The following AFG1L variants were observed in gnomAD, a reference collection of about 807,000 sequenced individuals.
The protein encoded by AFG1L is AFG1-like ATPase.
A neutral mutation model predicts 62.2 loss-of-function variants in AFG1L; 53 were observed. The ratio of observed to expected loss-of-function variants is 0.85; its 90% CI spans 0.68 to 1.07. The LOEUF (loss-of-function observed/expected upper bound fraction) is 1.07. Ranked by LOEUF, AFG1L falls within the 50% of genes least tolerant of loss-of-function variation. The pLI is 0.00. For synonymous variants in AFG1L, 228 were observed against 210.3 expected, an observed-to-expected ratio of 1.08 and a Z score of -0.73; for missense variants, 555 against 590.5, an observed-to-expected ratio of 0.94 and a Z score of 0.62.
chr6:108,348,673 T>G (rs186199575), intron 3 of AFG1L, among the ~76,000 whole-genome samples: 5 of 152,354 alleles, frequency 3.3e-5, no homozygotes, highest in African/African-American at 1.2e-4. Context: ...TTGAAAGCAG[T>G]TATAACAGAC....
chr6:108,322,182 A>G (rs1256663984), intron 1 of AFG1L, among the ~76,000 whole-genome samples: 1 of 152,162 alleles, frequency 6.6e-6, no homozygotes, highest in Non-Finnish European at 1.5e-5. Context: ...TGCTAGGATT[A>G]CAGGTGTGAG....
chr6:108,428,410 C>T (rs1032776441), intron 7 of AFG1L, among the ~76,000 whole-genome samples: 2 of 152,172 alleles, frequency 1.3e-5, no homozygotes, highest in African/African-American at 4.8e-5. Context: ...CTGTGATAAA[C>T]ATATGCATGG....
Position 108,522,325 on chromosome 6 carries a change from C to A in AFG1L, c.1346C>A (p.Thr449Asn). 2 of 1,613,248 alleles carry A rather than the reference C, an allele frequency of 1.2e-6. No individual in the cohort carries two copies. Among genetic ancestry groups the A allele is most frequent in the Non-Finnish European group, 1.7e-6 (2 of 1,179,426 alleles). The change falls in exon 13 of 13, where the codon ACC becomes AAC. Residue 449 changes from threonine to asparagine, a missense_variant. By Grantham distance (65) the Thr-to-Asn change is moderately conservative. Coordinates refer to ENST00000368977, the MANE Select transcript of AFG1L (RefSeq NM_145315.5). ...QDSAEGLSMF[T>N]GEEEIFAFQR... ...TCAGCAGAAGGACTCTCCATGTTTA[C>A]CGGAGAAGAGGAAATCTTTGCATTT...
intron 6 of AFG1L, among the ~76,000 whole-genome samples, chr6:108,378,842 ATGT>A (rs1780365996): frequency 6.7e-6 from 1 of 149,746 alleles, no homozygotes; most frequent in Non-Finnish European, 1.5e-5. Context: ...TTTCCCTGTA[ATGT>A]TGTTGTTATT....
intron 6 of AFG1L, among the ~76,000 whole-genome samples, chr6:108,370,654 T>C (rs1333823158): frequency 6.6e-6 from 1 of 152,078 alleles, no homozygotes; most frequent in Non-Finnish European, 1.5e-5. Flanking sequence ...GGGGGTGAAG[T>C]AGACAGCACT....
At chr6:108,391,649 T>C (rs1406335580) in intron 6 of AFG1L, among the ~76,000 whole-genome samples, 1 of 152,146 alleles carries the variant, frequency 6.6e-6, no homozygotes, top group Non-Finnish European at 1.5e-5. Context: ...TCCCACCTAT[T>C]TATCTTTGGT....
intron 5 of AFG1L, 81 bp downstream of exon 5, chr6:108,356,901 A>T: frequency 8.3e-7 from 1 of 1,205,754 alleles, no homozygotes; most frequent in Non-Finnish European, 1.2e-6. Context: ...TGATTTTATC[A>T]TTGGTTTATA....
intron 7 of AFG1L, among the ~76,000 whole-genome samples, chr6:108,444,602 G>A (rs1771685284): frequency 6.6e-6 from 1 of 152,162 alleles, no homozygotes; most frequent in African/African-American, 2.4e-5. Context: ...TAACAGGCAG[G>A]GAAACAACAT....
At chr6:108,429,456 A>T (rs1005793199) in intron 7 of AFG1L, among the ~76,000 whole-genome samples, 1 of 152,188 alleles carries the variant, frequency 6.6e-6, no homozygotes, top group Admixed American at 6.5e-5. Flanking sequence ...ACCCATCCCC[A>T]TGACTCAATT....
At chr6:108,314,435 C>T (rs1349349884) in intron 1 of AFG1L, among the ~76,000 whole-genome samples, 8 of 149,334 alleles carry the variant, frequency 5.4e-5, no homozygotes, top group South Asian at 2.1e-4. Context: ...CTCGCTCTGT[C>T]GCCCAGGCTG....
chr6:108,444,769 C>G (rs1046467253), intron 7 of AFG1L, among the ~76,000 whole-genome samples: 2 of 152,158 alleles, frequency 1.3e-5, no homozygotes, highest in African/African-American at 2.4e-5. Flanking sequence ...TGCTGCCATC[C>G]AAGGGCTTTG....
chr6:108,301,978 T>TC (rs1460398495), intron 1 of AFG1L, among the ~76,000 whole-genome samples: 1 of 151,242 alleles, frequency 6.6e-6, no homozygotes, highest in Non-Finnish European at 1.5e-5. Context: ...CAGAATCTCG[T>TC]TCTGTTGCCC....
intron 10 of AFG1L, among the ~76,000 whole-genome samples, chr6:108,505,099 C>CTT (rs796927224): frequency 8.2e-5 from 11 of 134,566 alleles, no homozygotes; most frequent in Non-Finnish European, 9.7e-5. Flanking sequence ...TTTCTTTTTT[C>CTT]TTTTTTTTTT....
At chr6:108,488,983 CT>C (rs371913776) in intron 10 of AFG1L, among the ~76,000 whole-genome samples, 88 of 152,306 alleles carry the variant, frequency 5.8e-4, no homozygotes, top group African/African-American at 2.1e-3. Context: ...TTGATCACCT[CT>C]GCAAACTCTG....
At chr6:108,485,625 A>AT (rs1773508387) in intron 10 of AFG1L, among the ~76,000 whole-genome samples, 1 of 12,156 alleles carries the variant, frequency 8.2e-5, no homozygotes, top group Admixed American at 1.7e-3. Context: ...TACGAATTTA[A>AT]ATATATATAT....
chr6:108,411,543 C>T (rs1374142932), intron 7 of AFG1L, among the ~76,000 whole-genome samples: 1 of 152,164 alleles, frequency 6.6e-6, no homozygotes, highest in East Asian at 1.9e-4. Flanking sequence ...GCTGGGTGCC[C>T]CTCTGAGACG....
At chr6:108,326,942 C>T (rs1029686067) in intron 2 of AFG1L, among the ~76,000 whole-genome samples, 5 of 150,460 alleles carry the variant, frequency 3.3e-5, no homozygotes, top group African/African-American at 7.4e-5. Flanking sequence ...AGTGAGACTC[C>T]GTCTCAAAAA....
intron 1 of AFG1L, among the ~76,000 whole-genome samples, chr6:108,302,749 A>G (rs1162228371): frequency 6.6e-6 from 1 of 152,202 alleles, no homozygotes; most frequent in Non-Finnish European, 1.5e-5. Flanking sequence ...AGTTTCTCCA[A>G]TTGTGCCCTG....
chr6:108,470,346 A>G (rs948624593), intron 8 of AFG1L, among the ~76,000 whole-genome samples: 1 of 152,158 alleles, frequency 6.6e-6, no homozygotes, highest in Non-Finnish European at 1.5e-5. Context: ...CCCCCTCCTT[A>G]TAAAGACACT....
Sources: gnomAD v4.1 joint callset for allele counts (sites outside exome capture counted in the v4.1 genomes callset) on GRCh38, gnomAD v4.1.1 for gene constraint, MANE v1.5 for transcripts, NCBI Gene and HGNC (gene_info 2026-07-23, HGNC 2026-07-21) for gene names.